MYO7A: variants seen among roughly 807,000 people sequenced by gnomAD.
The protein encoded by MYO7A is unconventional myosin-VIIa.
In MYO7A, 210 loss-of-function variants were observed where a neutral mutation model predicts 263.8. That is an observed-to-expected ratio of 0.80 (90% CI 0.71 to 0.89). MYO7A has a LOEUF of 0.89. Ranked by LOEUF, MYO7A falls within the 40% of genes least tolerant of loss-of-function variation. The pLI is 0.00. For synonymous variants in MYO7A, 1,239 were observed against 1,197.3 expected (o/e 1.03, Z -0.72); for missense variants, 2,820 against 2,968.3 (o/e 0.95, Z 1.16).
chr11:77,156,601 C>T, intron 5 of MYO7A, 59 bp from the exon 6 acceptor site: 2 of 1,602,918 alleles, frequency 1.2e-6, no homozygotes, highest in Admixed American at 3.3e-5. Flanking sequence ...GGGCTGAGTT[C>T]CAGTTGGTGG....
chr11:77,151,146 G>A (rs569190387), intron 4 of MYO7A, among the ~76,000 whole-genome samples: 30 of 152,346 alleles, frequency 2.0e-4, no homozygotes, highest in Non-Finnish European at 3.1e-4. Flanking sequence ...AATGAGGAAA[G>A]GCCCTCAGAG....
intron 19 of MYO7A, among the ~76,000 whole-genome samples, chr11:77,178,290 TATCCACCC>T (rs1274657214): frequency 1.8e-4 from 2 of 10,824 alleles, no homozygotes; most frequent in African/African-American, 5.4e-4. Context: ...TCCATCCACC[TATCCACCC>T]ACACATTCAT....
At position 77,204,223 on chromosome 11, in the gene MYO7A, A is replaced by T; in HGVS notation, c.5474A>T (p.His1825Leu). 6.4e-7 allele frequency: 1 copy of T among 1,571,888 alleles called. No homozygotes were observed. Among genetic ancestry groups the T allele is most frequent in the Non-Finnish European group, 8.6e-7 (1 of 1,158,986 alleles). ...ATCCTGAAGCAGCTGACCGACAACC[A>T]CATCAGGTGAGCCAGGCACAGTGGG... ...VQILKQLTDNHIRYSEERGWE... is the reference protein window; with the variant it reads ...VQILKQLTDNLIRYSEERGWE... Residue 1825 changes from histidine to leucine, a missense_variant, in exon 39 of 49, where the codon CAC becomes CTC. Physicochemically the swap from His to Leu is moderately conservative, Grantham distance 99. Transcript: ENST00000409709.
chr11:77,188,785 A>G (rs1468647372), intron 27 of MYO7A, among the ~76,000 whole-genome samples: 1 of 152,230 alleles, frequency 6.6e-6, no homozygotes, highest in African/African-American at 2.4e-5. Flanking sequence ...TCCCATTACA[A>G]AAGTCATACA....
chr11:77,198,678 C>T (rs1956858061), intron 34 of MYO7A, 57 bp downstream of exon 34: 2 of 1,606,286 alleles, frequency 1.2e-6, no homozygotes, highest in African/African-American at 2.7e-5. Context: ...GGGGCTGGAG[C>T]TTCCCTGCGG....
intron 4 of MYO7A, among the ~76,000 whole-genome samples, chr11:77,152,967 A>G (rs1952103783): frequency 6.6e-6 from 1 of 151,996 alleles, no homozygotes; most frequent in South Asian, 2.1e-4. Flanking sequence ...CTTGGTTGTG[A>G]GTTGAGGTTG....
intron 15 of MYO7A, among the ~76,000 whole-genome samples, chr11:77,167,767 T>A (rs1486934868): frequency 1.3e-5 from 2 of 152,002 alleles, no homozygotes; most frequent in African/African-American, 4.8e-5. Flanking sequence ...TCTGAAACAA[T>A]CCACACACCC....
At chr11:77,207,947 G>A (rs947056277) in intron 42 of MYO7A, among the ~76,000 whole-genome samples, 7 of 152,140 alleles carry the variant, frequency 4.6e-5, no homozygotes, top group Non-Finnish European at 7.4e-5. Context: ...ACCCCTCCAC[G>A]GGAAGGCCTC....
intron 29 of MYO7A, 54 bp from the exon 30 acceptor site, chr11:77,190,643 G>C: frequency 6.5e-7 from 1 of 1,532,392 alleles, no homozygotes; most frequent in Non-Finnish European, 8.8e-7. Flanking sequence ...AGTCCAGAGG[G>C]GCAGGCAGGT....
At chr11:77,213,153 C>A in intron 47 of MYO7A, 118 bp downstream of exon 47, 1 of 770,448 alleles carries the variant, frequency 1.3e-6, no homozygotes, top group Non-Finnish European at 2.1e-6. Flanking sequence ...CTCATCCACC[C>A]ATCACGTGGC....
intron 11 of MYO7A, 140 bp downstream of exon 11, chr11:77,160,422 T>G: frequency 7.9e-7 from 1 of 1,268,886 alleles, no homozygotes; most frequent in Non-Finnish European, 1.1e-6. Context: ...GCAGTCGGCC[T>G]TCCTTGAGTC....
chr11:77,189,488 C>T lies in MYO7A; in HGVS notation c.3630+18C>T. 1 of 1,613,590 alleles carries T rather than the reference C, an allele frequency of 6.2e-7. No homozygotes were observed. Among genetic ancestry groups the T allele is most frequent in the African/African-American group, 1.3e-5 (1 of 75,052 alleles). On this transcript the variant is annotated intron_variant, in intron 28 of 48. Transcript: ENST00000409709. ...TTGTCAAGGTAGGAAGGTGCCTGGC[C>T]TCCTGGAGTGGGAAGGGGAGCTAGG...
In MYO7A at chr11:77,147,883, T is replaced by C. The variant is rs372188355; in HGVS notation, c.218T>C (p.Leu73Pro). The C allele has an allele frequency of 2.8e-5, 44 of 1,598,996 alleles. No individual in the cohort carries two copies. The highest frequency in any genetic ancestry group is 3.5e-5 in the Non-Finnish European group (41 of 1,173,832). Residue 73 changes from leucine to proline, a missense_variant, in exon 4 of 49, where the codon CTG becomes CCG. Physicochemically the swap from Leu to Pro is moderately conservative, Grantham distance 98. Transcript: ENST00000409709. ...CACGGCGTGGAGGACATGATCCGCCTGGGGGACCTCAACGAGGCGGGCATC... is the reference window on the plus strand; with the variant it reads ...CACGGCGTGGAGGACATGATCCGCCCGGGGGACCTCAACGAGGCGGGCATC... ...SVHGVEDMIR[L>P]GDLNEAGILR...
At chr11:77,172,076 G>A (rs1954148138) in intron 15 of MYO7A, among the ~76,000 whole-genome samples, 1 of 152,218 alleles carries the variant, frequency 6.6e-6, no homozygotes, top group African/African-American at 2.4e-5. Context: ...GGCTAAGCCT[G>A]GGAGGGGAGA....
chr11:77,209,007 C>A, intron 44 of MYO7A: 2 of 581,552 alleles, frequency 3.4e-6, no homozygotes, highest in Non-Finnish European at 6.2e-6. Flanking sequence ...CCCTTAGGGG[C>A]TTGACAGTTC....
At chr11:77,180,053 G>A in intron 21 of MYO7A, 100 bp downstream of exon 21, 1 of 1,244,476 alleles carries the variant, frequency 8.0e-7, no homozygotes, top group East Asian at 2.6e-5. Flanking sequence ...ACCTATAGGG[G>A]GGACCTGCAG....
chr11:77,209,028 C>T, intron 44 of MYO7A: 1 of 568,528 alleles, frequency 1.8e-6, no homozygotes, highest in South Asian at 2.2e-5. Flanking sequence ...CTCCTCTGAG[C>T]TTCCGATCCC....
At chr11:77,169,453 A>T (rs2135378773) in intron 15 of MYO7A, among the ~76,000 whole-genome samples, 1 of 152,330 alleles carries the variant, frequency 6.6e-6, no homozygotes, top group South Asian at 2.1e-4. Context: ...CCTGCCTGAG[A>T]CTTCCCAGCC....
Position 77,194,371 on chromosome 11 carries a change from G to A in MYO7A, c.4170G>A (p.Glu1390=), listed in dbSNP as rs2135617873. The part of the protein sequence containing the change: ...YRCEKEDDLA[E]LASQQYFVDY... Reference sequence around the variant, plus strand: ...CCACCTAGGAGGACGACCTGGCTGAGCTGGCCTCCCAGCAGTACTTTGTAG... The same window carrying A: ...CCACCTAGGAGGACGACCTGGCTGAACTGGCCTCCCAGCAGTACTTTGTAG... Residue 1390 remains glutamate (E), a synonymous_variant, in exon 32 of 49, where the codon GAG becomes GAA. Coordinates refer to ENST00000409709, the MANE Select transcript of MYO7A (RefSeq NM_000260.4). 1 of 1,612,442 alleles carries A rather than the reference G, an allele frequency of 6.2e-7. No individual in the cohort carries two copies. Among genetic ancestry groups the A allele is most frequent in the Admixed American group, 1.7e-5 (1 of 59,850 alleles).
Sources: allele counts gnomAD v4.1 joint callset (sites outside exome capture counted in the v4.1 genomes callset), GRCh38; gene constraint gnomAD v4.1.1; transcripts MANE v1.5; gene names NCBI Gene and HGNC (gene_info 2026-07-23, HGNC 2026-07-21).